ANTXR1: variants seen among roughly 807,000 people sequenced by gnomAD.
ANTXR1 encodes ANTXR cell adhesion molecule 1, also known as anthrax toxin receptor 1.
ANTXR1 carries 19 observed loss-of-function variants against 78.1 expected under a neutral mutation model. The observed-to-expected ratio is 0.24, with a 90% confidence interval of 0.17 to 0.36. ANTXR1 has a LOEUF of 0.36. ANTXR1 is among the 10% of genes least tolerant of loss of function. ANTXR1 has a pLI of 1.00. For missense variants in ANTXR1, 518 were observed against 718.6 expected (o/e 0.72, Z 3.19); for synonymous variants, 273 against 260.5 (o/e 1.05, Z -0.46).
chr2:69,145,387 C>T (rs376898966), intron 12 of ANTXR1: 68 of 1,591,784 alleles, frequency 4.3e-5, no homozygotes, highest in Non-Finnish European at 5.1e-5. Flanking sequence ...CAGAGAATAC[C>T]GCCTGCTCCC....
chr2:69,045,321 G>T (rs776465162), intron 3 of ANTXR1, among the ~76,000 whole-genome samples: 11 of 152,136 alleles, frequency 7.2e-5, no homozygotes. Flanking sequence ...TTGATACAAA[G>T]AAGTTAAACT....
At chr2:69,123,734 T>A (rs1004989871) in intron 11 of ANTXR1, among the ~76,000 whole-genome samples, 15 of 151,836 alleles carry the variant, frequency 9.9e-5, no homozygotes, top group African/African-American at 3.6e-4. Context: ...ATCAAAACCA[T>A]CAACAGAAGA....
chr2:69,196,396 C>T (rs1180003994), intron 17 of ANTXR1, among the ~76,000 whole-genome samples: 4 of 152,196 alleles, frequency 2.6e-5, no homozygotes, highest in Admixed American at 2.6e-4. Context: ...AAAATTGTGT[C>T]CTTGTTGCCG....
At chr2:69,143,619 G>A (rs967111276) in intron 12 of ANTXR1, among the ~76,000 whole-genome samples, 4 of 152,012 alleles carry the variant, frequency 2.6e-5, no homozygotes, top group South Asian at 4.2e-4. Context: ...ACAACCCATC[G>A]AGAGTTTTAG....
Position 69,102,739 on chromosome 2 carries a change from T to A in ANTXR1, c.704-103T>A, listed in dbSNP as rs1671665693. ...TCAACCTAAATTAATTTTTGAATAT[T>A]TTAAGCCTGGTGAAATAGTGAACAA... is the stretch of plus-strand genomic sequence containing the variant. On this transcript the variant is annotated intron_variant, in intron 9 of 17. Coordinates refer to ENST00000303714, the MANE Select transcript of ANTXR1 (RefSeq NM_032208.3). The A allele has an allele frequency of 3.2e-6, 4 of 1,265,316 alleles. No homozygotes were observed. In the South Asian group the frequency reaches 4.8e-5, roughly 15 times the overall value. 78.4% of individuals were successfully genotyped at this position (1,265,316 alleles called of 1,614,324 possible).
chr2:69,061,716 A>C (rs56402417), intron 3 of ANTXR1, among the ~76,000 whole-genome samples: 12,472 of 152,270 alleles, frequency 0.082, 1,153 homozygotes, highest in African/African-American at 0.23. Context: ...TAAATAGGTC[A>C]GTAGCTAGAG....
At chr2:69,235,651 CA>C (rs554310438) in intron 17 of ANTXR1, among the ~76,000 whole-genome samples, 5,923 of 58,348 alleles carry the variant, frequency 0.1, 284 homozygotes, top group African/African-American at 0.31. Context: ...AACCCCGTCT[CA>C]AAAAAAAAAA....
chr2:69,120,664 A>AG (rs1672317822), intron 10 of ANTXR1, among the ~76,000 whole-genome samples: 1 of 152,058 alleles, frequency 6.6e-6, no homozygotes. Context: ...TGAGACTCTC[A>AG]GAAAAAAAAG....
intron 17 of ANTXR1, among the ~76,000 whole-genome samples, chr2:69,203,816 A>G (rs1307255752): frequency 1.3e-5 from 2 of 152,084 alleles, no homozygotes; most frequent in African/African-American, 4.8e-5. Flanking sequence ...TAGGACTTTC[A>G]ACTTCAGATT....
intron 3 of ANTXR1, among the ~76,000 whole-genome samples, chr2:69,069,580 G>A (rs1424579038): frequency 3.3e-5 from 5 of 152,148 alleles, no homozygotes; most frequent in Admixed American, 6.5e-5. Context: ...CTTTGCAGAG[G>A]AGAAAGCCTT....
At chr2:69,015,758 A>G (rs1326347382) in intron 1 of ANTXR1, among the ~76,000 whole-genome samples, 2 of 152,160 alleles carry the variant, frequency 1.3e-5, no homozygotes, top group African/African-American at 2.4e-5. Context: ...AAAATTTTAC[A>G]CTTCTATAAA....
intron 8 of ANTXR1, among the ~76,000 whole-genome samples, chr2:69,086,240 A>G (rs71413184): frequency 0.086 from 13,089 of 152,320 alleles, 984 homozygotes; most frequent in East Asian, 0.21. Flanking sequence ...CTCTGTGCAG[A>G]TATTCACAGT....
intron 9 of ANTXR1, among the ~76,000 whole-genome samples, chr2:69,098,306 G>A (rs1161959308): frequency 6.6e-6 from 1 of 152,162 alleles, no homozygotes; most frequent in Non-Finnish European, 1.5e-5. Flanking sequence ...GAACAATTCA[G>A]GCCTCAGAAA....
chr2:69,121,830 C>G (rs142583793), intron 10 of ANTXR1, among the ~76,000 whole-genome samples: 312 of 152,244 alleles, frequency 2.0e-3, no homozygotes, highest in African/African-American at 6.6e-3. Context: ...CTATTATATA[C>G]TTAGTATAAT....
chr2:69,121,620 C>T (rs981745454), intron 10 of ANTXR1, among the ~76,000 whole-genome samples: 5 of 152,144 alleles, frequency 3.3e-5, no homozygotes, highest in South Asian at 2.1e-4. Flanking sequence ...ATATCATAAG[C>T]GACATCAGTG....
At chr2:69,074,013 A>T (rs1670653678) in intron 6 of ANTXR1, among the ~76,000 whole-genome samples, 1 of 152,232 alleles carries the variant, frequency 6.6e-6, no homozygotes, top group Non-Finnish European at 1.5e-5. Flanking sequence ...TCATTCATTT[A>T]TTCATTCAGT....
chr2:69,121,088 G>A (rs1022048119), intron 10 of ANTXR1, among the ~76,000 whole-genome samples: 5 of 152,140 alleles, frequency 3.3e-5, no homozygotes, highest in African/African-American at 1.2e-4. Context: ...TTTCCTTGGG[G>A]AAGCATTTCC....
intron 8 of ANTXR1, among the ~76,000 whole-genome samples, chr2:69,083,684 C>A (rs1267917368): frequency 6.6e-6 from 1 of 151,918 alleles, no homozygotes; most frequent in Non-Finnish European, 1.5e-5. Context: ...GCTTTTGTGA[C>A]CCAGGGAAGA....
chr2:69,070,527 G>C (rs1209943642), intron 3 of ANTXR1, 120 bp from the exon 4 acceptor site: 1 of 892,976 alleles, frequency 1.1e-6, no homozygotes, highest in Non-Finnish European at 1.9e-6. Flanking sequence ...TAGGCTTTTG[G>C]GGAATTACTG....
Sources: allele counts gnomAD v4.1 joint callset (sites outside exome capture counted in the v4.1 genomes callset), GRCh38; gene constraint gnomAD v4.1.1; transcripts MANE v1.5; gene names NCBI Gene and HGNC (gene_info 2026-07-23, HGNC 2026-07-21).